The following POLK variants were observed in gnomAD, a reference collection of about 807,000 sequenced individuals.
POLK encodes polymerase (DNA directed) kappa.
POLK carries 76 observed loss-of-function variants against 94.0 expected under a neutral mutation model. The observed-to-expected ratio is 0.81, with a 90% CI of 0.67 to 0.98. The LOEUF (loss-of-function observed/expected upper bound fraction) is 0.98. Ranked by LOEUF, POLK falls within the 50% of genes least tolerant of loss-of-function variation. POLK has a pLI of 0.00. For missense variants in POLK, 954 were observed against 1,010.1 expected, an observed-to-expected ratio of 0.94 and a Z score of 0.75; for synonymous variants, 349 against 325.4, an observed-to-expected ratio of 1.07 and a Z score of -0.78.
At chr5:75,536,709 A>G (rs1329843636) in intron 1 of POLK, among the ~76,000 whole-genome samples, 6 of 151,884 alleles carry the variant, frequency 4.0e-5, no homozygotes, top group African/African-American at 1.5e-4. Context: ...CGGAAGCTCT[A>G]GCATGTGTTG....
At chr5:75,607,551 CTCT>C in the POLK span, among the ~76,000 whole-genome samples, 3 of 152,046 alleles carry the variant, frequency 2.0e-5, no homozygotes, top group East Asian at 3.9e-4. Flanking sequence ...TTCTGTTTGC[CTCT>C]TCTTTCTATT....
upstream of POLK, chr5:75,511,302 G>A: frequency 1.3e-6 from 2 of 1,557,138 alleles, no homozygotes; most frequent in South Asian, 1.2e-5. Context: ...GGGGGATGGC[G>A]AAGCGAAGAG....
downstream of POLK, among the ~76,000 whole-genome samples, chr5:75,604,811 C>T (rs754890472): frequency 6.6e-6 from 1 of 152,168 alleles, no homozygotes; most frequent in Admixed American, 6.5e-5. Context: ...AAAAACTGTT[C>T]TTTAATTGTA....
chr5:75,558,820 C>A (rs529386014), intron 3 of POLK, among the ~76,000 whole-genome samples: 1 of 152,214 alleles, frequency 6.6e-6, no homozygotes, highest in South Asian at 2.1e-4. Flanking sequence ...GATCTATAAT[C>A]TACAAATATA....
intron 3 of POLK, among the ~76,000 whole-genome samples, chr5:75,563,909 T>G (rs1771126568): frequency 6.6e-6 from 1 of 152,334 alleles, no homozygotes; most frequent in East Asian, 1.9e-4. Context: ...GTCTATTAGG[T>G]CTGCTTGGTC....
intron 6 of POLK, chr5:75,580,589 C>T (rs1772142382): frequency 1.2e-6 from 1 of 843,026 alleles, no homozygotes. Context: ...AGAAGCATAA[C>T]TTTCACAGGT....
intron 12 of POLK, among the ~76,000 whole-genome samples, chr5:75,595,753 A>T (rs552191047): frequency 6.6e-6 from 1 of 152,262 alleles, no homozygotes; most frequent in East Asian, 1.9e-4. Flanking sequence ...GTGTAGGTTT[A>T]TAGATTGTAA....
intron 1 of POLK, among the ~76,000 whole-genome samples, chr5:75,533,578 G>A (rs1429996266): frequency 6.6e-6 from 1 of 152,046 alleles, no homozygotes; most frequent in Admixed American, 6.6e-5. Flanking sequence ...CTCTTTTTTG[G>A]TTTCATAGGA....
chr5:75,556,203 A>G (rs138754357), intron 3 of POLK, among the ~76,000 whole-genome samples: 2 of 152,282 alleles, frequency 1.3e-5, no homozygotes, highest in African/African-American at 4.8e-5. Flanking sequence ...AATTTTGGCT[A>G]TTCTAATATG....
At chr5:75,530,810 CTTT>C (rs1166307868) in intron 1 of POLK, among the ~76,000 whole-genome samples, 5 of 133,780 alleles carry the variant, frequency 3.7e-5, no homozygotes, top group Admixed American at 7.5e-5. Context: ...CTTTTCTTTT[CTTT>C]TTTTTTTTTT....
intron 1 of POLK, among the ~76,000 whole-genome samples, chr5:75,529,578 TTATAC>T (rs1465853037): frequency 6.6e-6 from 1 of 152,196 alleles, no homozygotes; most frequent in Non-Finnish European, 1.5e-5. Context: ...TAAATAGTTG[TTATAC>T]TATTGTTTAG....
chr5:75,594,483 T>C (rs544396107), intron 12 of POLK, among the ~76,000 whole-genome samples: 1 of 152,366 alleles, frequency 6.6e-6, no homozygotes, highest in South Asian at 2.1e-4. Flanking sequence ...GTTATTTTCC[T>C]TATAACTTAA....
downstream of POLK, among the ~76,000 whole-genome samples, chr5:75,602,934 C>T (rs1266011133): frequency 2.0e-5 from 3 of 152,072 alleles, no homozygotes; most frequent in Admixed American, 2.0e-4. Context: ...TTGTGGTATC[C>T]GCAAGGTCAG....
At chr5:75,547,960 T>A (rs948362691) in intron 2 of POLK, among the ~76,000 whole-genome samples, 1 of 152,196 alleles carries the variant, frequency 6.6e-6, no homozygotes, top group Non-Finnish European at 1.5e-5. Context: ...AAGGTCTCAC[T>A]CTGTCACCCA....
At chr5:75,591,481 A>G (rs1772781005) in intron 11 of POLK, among the ~76,000 whole-genome samples, 2 of 152,188 alleles carry the variant, frequency 1.3e-5, no homozygotes, top group Admixed American at 6.5e-5. Context: ...AAATAATAGA[A>G]TTTCAGCATA....
intron 1 of POLK, among the ~76,000 whole-genome samples, chr5:75,519,165 TCAAA>T (rs1768456046): frequency 6.6e-6 from 1 of 152,244 alleles, no homozygotes; most frequent in South Asian, 2.1e-4. Flanking sequence ...CCAAATTAAA[TCAAA>T]CAATTAATTA....
chr5:75,603,629 A>G (rs1581119438), downstream of POLK, among the ~76,000 whole-genome samples: 2 of 152,116 alleles, frequency 1.3e-5, no homozygotes, highest in Non-Finnish European at 2.9e-5. Flanking sequence ...AGCCAATACA[A>G]GCTAGCTCCT....
intron 1 of POLK, chr5:75,512,149 G>A: frequency 4.5e-6 from 1 of 221,956 alleles, no homozygotes; most frequent in East Asian, 1.1e-4. Flanking sequence ...GGCCGCTTCC[G>A]CCTCAACCAT....
At chr5:75,589,380 TACACACATACACACAC>T (rs1442204380) in intron 10 of POLK, among the ~76,000 whole-genome samples, 32 of 67,794 alleles carry the variant, frequency 4.7e-4, no homozygotes, top group African/African-American at 1.6e-3. Flanking sequence ...TTTATATATA[TACACACATACACACAC>T]ACACACACAC....
Sources: gnomAD v4.1 joint callset for allele counts (sites outside exome capture counted in the v4.1 genomes callset) on GRCh38, gnomAD v4.1.1 for gene constraint, MANE v1.5 for transcripts, NCBI Gene and HGNC (gene_info 2026-07-23, HGNC 2026-07-21) for gene names.